Variants in OR2A12 observed in about 807,000 individuals in gnomAD.
OR2A12 encodes olfactory receptor family 2 subfamily A member 12.
For missense variants in OR2A12, 380 were observed against 372.5 expected, an observed-to-expected ratio of 1.02 and a Z score of -0.17; for synonymous variants, 153 against 149.3, an observed-to-expected ratio of 1.02 and a Z score of -0.18.
At chr7:144,093,179 AT>A (rs925987109) in intron 1 of OR2A12, among the ~76,000 whole-genome samples, 2 of 152,070 alleles carry the variant, frequency 1.3e-5, no homozygotes, top group African/African-American at 4.8e-5. Flanking sequence ...AGTGGAATGC[AT>A]TTTTTTAGTG....
At chr7:144,090,499 G>A (rs1022149619) in intron 1 of OR2A12, among the ~76,000 whole-genome samples, 5 of 152,008 alleles carry the variant, frequency 3.3e-5, no homozygotes, top group African/African-American at 9.7e-5. Context: ...GTCAGTCATA[G>A]GATAAACTCT....
At position 144,097,607 on chromosome 7, in the gene OR2A12, C is replaced by G. The variant is rs1023716861; in HGVS notation, c.*1567C>G. 1.3e-5 allele frequency: 2 copies of G among 152,008 alleles called. No homozygotes were observed. Among genetic ancestry groups the G allele is most frequent in the African/African-American group, 4.8e-5 (2 of 41,376 alleles). 9.4% of individuals were successfully genotyped at this position (152,008 alleles called of 1,614,324 possible). A position where few individuals can be genotyped will look rare whatever the true frequency, so the allele number is the denominator to read the frequency against. On this transcript the variant is annotated 3_prime_UTR_variant, in exon 2 of 2. Coordinates refer to ENST00000641592, the MANE Select transcript of OR2A12 (RefSeq NM_001004135.2). ...TTGATCCTTCAGATATCAAAACACA[C>G]TATATAGTGCTAATAAACAGAACAG...
intron 1 of OR2A12, among the ~76,000 whole-genome samples, chr7:144,087,163 C>A (rs935609569): frequency 1.2e-4 from 18 of 152,190 alleles, no homozygotes; most frequent in Non-Finnish European, 2.2e-4. Flanking sequence ...GTGATTTCTT[C>A]ATTTCTTCTA....
rs1420726521 is a variant in OR2A12 at position 144,095,599 on chromosome 7, G to A, written c.492G>A (p.Arg164=). The part of the protein sequence containing the change: ...LALVHITLIL[R]LPFCGPQKIN... The stretch of plus-strand genomic sequence containing the variant: ...TGGTCCATATTACTCTTATTCTGAG[G>A]CTGCCTTTTTGTGGCCCACAAAAGA... Residue 164 remains arginine (R), a synonymous_variant, in exon 2 of 2, where the codon AGG becomes AGA. Transcript: ENST00000641592. 1 of 1,614,064 alleles carries A rather than the reference G, an allele frequency of 6.2e-7. No homozygotes were observed. Among genetic ancestry groups the A allele is most frequent in the Non-Finnish European group, 8.5e-7 (1 of 1,180,010 alleles).
At position 144,095,148 on chromosome 7, in the gene OR2A12, TG is replaced by T. The variant is rs2051252440; in HGVS notation, c.44del (p.Gly15AspfsTer22). ...NQTWITEVIL[L>X]GFQVDPALEL... The stretch of plus-strand genomic sequence containing the variant: ...ACCTGGATCACAGAAGTCATCCTGT[TG>T]GGATTCCAGGTGGACCCAGCTCTGG... On this transcript the variant is annotated frameshift_variant, in exon 2 of 2. Transcript: ENST00000641592. LOFTEE classifies it low-confidence loss of function (END_TRUNC). 6.2e-7 allele frequency: 1 copy of T among 1,613,118 alleles called. No homozygotes were observed. Among genetic ancestry groups the T allele is most frequent in the African/African-American group, 1.3e-5 (1 of 74,894 alleles).
chr7:144,089,984 T>A (rs1432090643), intron 1 of OR2A12, among the ~76,000 whole-genome samples: 2 of 152,196 alleles, frequency 1.3e-5, no homozygotes, highest in Non-Finnish European at 2.9e-5. Context: ...TGAGGATCTA[T>A]AGGTCCTCAG....
In OR2A12 at chr7:144,095,394, G is replaced by A; in HGVS notation, c.287G>A (p.Cys96Tyr). The A allele has an allele frequency of 6.2e-7, 1 of 1,614,034 alleles. No individual in the cohort carries two copies. Among genetic ancestry groups the A allele is most frequent in the Non-Finnish European group, 8.5e-7 (1 of 1,179,940 alleles). ...MHKKVISFAP[C>Y]ILQTFLYLAF... is the part of the protein sequence containing the mutation. ...AAAAAAGTCATCTCCTTTGCTCCTTGCATACTTCAGACTTTTTTGTATTTG... is the reference window on the plus strand; with the variant it reads ...AAAAAAGTCATCTCCTTTGCTCCTTACATACTTCAGACTTTTTTGTATTTG... The change falls in exon 2 of 2, where the codon TGC (cysteine) becomes TAC (tyrosine). Residue 96 changes from cysteine to tyrosine, a missense_variant. By Grantham distance (194) the Cys-to-Tyr change is radical. Coordinates refer to ENST00000641592, the MANE Select transcript of OR2A12 (RefSeq NM_001004135.2).
chr7:144,095,089 AT>A lies in OR2A12; in HGVS notation c.-14del. ...ATTTCTGTCTTAAGTACATCACAAG[AT>A]TTTTCTGTCACGAGAACATGGAAAG... On this transcript the variant is annotated 5_prime_UTR_variant, in exon 2 of 2. Transcript: ENST00000641592. The A allele has an allele frequency of 6.4e-7, 1 of 1,552,470 alleles. No homozygotes were observed. Among genetic ancestry groups the A allele is most frequent in the Non-Finnish European group, 8.7e-7 (1 of 1,145,840 alleles).
At chr7:144,092,757 C>T (rs1383012190) in intron 1 of OR2A12, among the ~76,000 whole-genome samples, 1 of 151,744 alleles carries the variant, frequency 6.6e-6, no homozygotes, top group Non-Finnish European at 1.5e-5. Context: ...GTCCTTTAGT[C>T]TGAGTAGTAA....
At chr7:144,093,348 T>C (rs1242750569) in intron 1 of OR2A12, among the ~76,000 whole-genome samples, 1 of 152,184 alleles carries the variant, frequency 6.6e-6, no homozygotes, top group Non-Finnish European at 1.5e-5. Flanking sequence ...TTTCAAAATG[T>C]TATCCCTTTG....
rs2051266594 is a variant in OR2A12 at position 144,096,576 on chromosome 7, G to A, written c.*536G>A. The stretch of plus-strand genomic sequence containing the variant: ...AAAATCACAATCTAATCCTACTCAT[G>A]AACATAGATGCAAACCTCTTAAAGA... On this transcript the variant is annotated 3_prime_UTR_variant, in exon 2 of 2. Coordinates refer to ENST00000641592, the MANE Select transcript of OR2A12 (RefSeq NM_001004135.2). 2.0e-5 allele frequency: 3 copies of A among 152,340 alleles called. No homozygotes were observed. The highest frequency in any genetic ancestry group is 2.1e-4 in the South Asian group (1 of 4,816). The allele number at this position is 152,340 out of a possible 1,614,324, so 9.4% of individuals were successfully genotyped here.
chr7:144,092,535 T>A (rs1356929142), intron 1 of OR2A12, among the ~76,000 whole-genome samples: 1 of 152,168 alleles, frequency 6.6e-6, no homozygotes, highest in Non-Finnish European at 1.5e-5. Context: ...GTAGTTCTCA[T>A]TGTTGAGATC....
chr7:144,089,060 A>G (rs1436439548), intron 1 of OR2A12, among the ~76,000 whole-genome samples: 1 of 152,182 alleles, frequency 6.6e-6, no homozygotes, highest in Admixed American at 6.5e-5. Flanking sequence ...ATTCACCGTT[A>G]AGTATAATGT....
intron 1 of OR2A12, among the ~76,000 whole-genome samples, chr7:144,088,293 T>C (rs1225440273): frequency 6.6e-6 from 1 of 152,214 alleles, no homozygotes; most frequent in African/African-American, 2.4e-5. Flanking sequence ...ATTACAGGTG[T>C]GAGCCACCGC....
In OR2A12 at chr7:144,095,125, C is replaced by A. The variant is rs2128803042; in HGVS notation, c.18C>A (p.Thr6=). 6.2e-7 allele frequency: 1 copy of A among 1,608,812 alleles called. No individual in the cohort carries two copies. The highest frequency in any genetic ancestry group is 8.5e-7 in the Non-Finnish European group (1 of 1,177,564). The change falls in exon 2 of 2, where the codon ACC becomes ACA. Residue 6 remains threonine, a synonymous_variant. Transcript: ENST00000641592. ...ACGAGAACATGGAAAGCAATCAGACCTGGATCACAGAAGTCATCCTGTTGG... is the reference window on the plus strand; with the variant it reads ...ACGAGAACATGGAAAGCAATCAGACATGGATCACAGAAGTCATCCTGTTGG... MESNQ[T]WITEVILLGF...
At position 144,087,176 on chromosome 7, in the gene OR2A12, G is replaced by A. The variant is rs953816939; in HGVS notation, c.-52+633G>A. Among the ~76,000 whole-genome samples, 6 of 152,178 alleles carry A rather than the reference G, an allele frequency of 3.9e-5. No homozygotes were observed. The South Asian group carries it at 6.2e-4, about 16-fold the overall frequency. On this transcript the variant is annotated intron_variant, in intron 1 of 1. Coordinates refer to ENST00000641592, the MANE Select transcript of OR2A12 (RefSeq NM_001004135.2). ...CTGTGATTTCTTCATTTCTTCTACC[G>A]AGAATCATCTGCTTCTGCTACATCC...
chr7:144,092,620 C>T (rs746644823), intron 1 of OR2A12, among the ~76,000 whole-genome samples: 35 of 152,054 alleles, frequency 2.3e-4, no homozygotes, highest in African/African-American at 6.5e-4. Context: ...ACTGCATTCC[C>T]GATTTGGCTC....
chr7:144,094,681 A>G (rs2051248855), intron 1 of OR2A12, among the ~76,000 whole-genome samples: 3 of 152,210 alleles, frequency 2.0e-5, no homozygotes, highest in African/African-American at 4.8e-5. Context: ...AGTAGGTACA[A>G]TGATAAAATT....
chr7:144,087,958 C>T (rs1280934862), intron 1 of OR2A12, among the ~76,000 whole-genome samples: 2 of 152,172 alleles, frequency 1.3e-5, no homozygotes, highest in African/African-American at 4.8e-5. Context: ...TATTATTTTT[C>T]AAAAACACCA....
Sources: gnomAD v4.1 joint callset for allele counts (sites outside exome capture counted in the v4.1 genomes callset) on GRCh38, gnomAD v4.1.1 for gene constraint, MANE v1.5 for transcripts, NCBI Gene and HGNC (gene_info 2026-07-23, HGNC 2026-07-21) for gene names.